Variants in SLC16A5 observed in about 807,000 individuals in gnomAD.
The protein encoded by SLC16A5 is monocarboxylate transporter 6.
In SLC16A5, 29 loss-of-function variants were observed where a neutral mutation model predicts 33.2. That is an observed-to-expected ratio of 0.87 (90% CI 0.65 to 1.19). The LOEUF is 1.19. Among genes scored for constraint, SLC16A5 ranks in the 50% most tolerant of loss-of-function variants. The pLI, the probability that SLC16A5 is intolerant of heterozygous loss-of-function variation, is 0.00. For synonymous variants in SLC16A5, 248 were observed against 284.1 expected (o/e 0.87, Z 1.28); for missense variants, 606 against 678.2 (o/e 0.89, Z 1.18).
chr17:75,109,859 G>GTA (rs770930230), downstream of SLC16A5: 52 of 198,398 alleles, frequency 2.6e-4, no homozygotes, highest in Non-Finnish European at 4.8e-4. This position sits in a 1 kb window ranked among gnomAD's most constrained non-coding sequence, Gnocchi z 5.0. Context: ...ACAGGCTAAA[G>GTA]AGCTTCGGCA....
chr17:75,100,453 A>T lies in SLC16A5; in HGVS notation c.790A>T (p.Met264Leu), dbSNP rs1315184670. Residue 264 changes from methionine to leucine, a missense_variant, in exon 5 of 7, where the codon ATG becomes TTG. Physicochemically the swap from Met to Leu is conservative, Grantham distance 15 (BLOSUM62 2). Transcript: ENST00000329783. ...LPQVFLVPYA[M>L]WHSVDEQQAA... ...ACAAGTCTTCCTGGTGCCATATGCC[A>T]TGTGGCACAGCGTGGACGAGCAGCA... 2.5e-6 allele frequency: 4 copies of T among 1,614,230 alleles called. No homozygotes were observed.
Position 75,093,620 on chromosome 17 carries a change from A to T in SLC16A5, c.-17A>T, listed in dbSNP as rs1369016775. ...GCCACATTGGCAGTGAGGCCGTGGC[A>T]GCGTCGGCAGCAGAGGATGCCCCAG... On this transcript the variant is annotated 5_prime_UTR_variant, in exon 3 of 7. Transcript: ENST00000329783. The T allele has an allele frequency of 3.1e-6, 5 of 1,601,746 alleles. No homozygotes were observed. The African/African-American group carries it at 6.7e-5, about 21-fold the overall frequency.
rs141450615 is a variant in SLC16A5, at chr17:75,093,656, G to A, written c.20G>A (p.Arg7His). Residue 7 changes from arginine (R) to histidine (H), a missense_variant, in exon 3 of 7, where the codon CGT (arginine) becomes CAT (histidine). Physicochemically the swap from Arg to His is conservative, Grantham distance 29. Transcript: ENST00000329783. Reference sequence around the variant, plus strand: ...CAGAGGATGCCCCAGGCCCTGGAGCGTGCAGATGGCAGCTGGGCCTGGGTG... The same window carrying A: ...CAGAGGATGCCCCAGGCCCTGGAGCATGCAGATGGCAGCTGGGCCTGGGTG... MPQALE[R>H]ADGSWAWVVL... The A allele has an allele frequency of 1.2e-5, 20 of 1,612,500 alleles. No homozygotes were observed. Among genetic ancestry groups the A allele is most frequent in the Middle Eastern group, 1.6e-4 (1 of 6,082 alleles).
At position 75,093,776 on chromosome 17, in the gene SLC16A5, C is replaced by A; in HGVS notation, c.140C>A (p.Ala47Asp). ...ACTGAATTGCAATGGGAGTTCCAGG[C>A]CAGCAACAGCGAGACCTCTTGGTTC... Reference protein sequence around the residue: ...FFTELQWEFQASNSETSWFPS... With the variant: ...FFTELQWEFQDSNSETSWFPS... Residue 47 changes from alanine to aspartate, a missense_variant, in exon 3 of 7, where the codon GCC (alanine) becomes GAC (aspartate). By Grantham distance (126) the Ala-to-Asp change is moderately radical. Coordinates refer to ENST00000329783, the MANE Select transcript of SLC16A5 (RefSeq NM_004695.4). The A allele has an allele frequency of 6.2e-7, 1 of 1,614,172 alleles. No individual in the cohort carries two copies. Among genetic ancestry groups the A allele is most frequent in the Non-Finnish European group, 8.5e-7 (1 of 1,180,014 alleles).
rs2073856268 is a variant in SLC16A5, at chr17:75,105,887, T to A, written c.1372T>A (p.Ser458Thr). Residue 458 changes from serine to threonine, a missense_variant, in exon 7 of 7, where the codon TCT becomes ACT. Transcript: ENST00000329783. ...TTTTATTTTCATGAACAGGTGCCAGTCTTCCCGCCAGCCACGTCCAGCTGG... is the reference window on the plus strand; with the variant it reads ...TTTTATTTTCATGAACAGGTGCCAGACTTCCCGCCAGCCACGTCCAGCTGG... The part of the protein sequence containing the change: ...KQRSPEIMCQ[S>T]SRQPRPAGVN... 1 of 1,601,226 alleles carries A rather than the reference T, an allele frequency of 6.2e-7. No individual in the cohort carries two copies. Among genetic ancestry groups the A allele is most frequent in the Admixed American group, 1.7e-5 (1 of 58,754 alleles).
intron 6 of SLC16A5, 168 bp downstream of exon 6, chr17:75,104,348 T>C: frequency 7.0e-7 from 1 of 1,435,528 alleles, no homozygotes; most frequent in Non-Finnish European, 9.1e-7. Flanking sequence ...GTCCAGGCTC[T>C]GCAAGCTGGG....
At chr17:75,091,424 G>A (rs1042305461) in intron 2 of SLC16A5, among the ~76,000 whole-genome samples, 3 of 152,192 alleles carry the variant, frequency 2.0e-5, no homozygotes, top group Non-Finnish European at 2.9e-5. Context: ...TCTAGCCAGA[G>A]GTCGCATGCA....
At chr17:75,091,644 T>A (rs2073638790) in intron 2 of SLC16A5, among the ~76,000 whole-genome samples, 1 of 152,012 alleles carries the variant, frequency 6.6e-6, no homozygotes, top group Non-Finnish European at 1.5e-5. Context: ...AGCAGTGGGG[T>A]GCTGGGCTTG....
downstream of SLC16A5, chr17:75,109,995 G>A: frequency 2.9e-6 from 1 of 350,386 alleles, no homozygotes; most frequent in East Asian, 5.5e-5. This position sits in a 1 kb window ranked among gnomAD's most constrained non-coding sequence, Gnocchi z 5.0. Flanking sequence ...GCCGGGGACG[G>A]TGCGCCAGTG....
At chr17:75,109,771 G>A (rs945819444), downstream of SLC16A5, among the ~76,000 whole-genome samples, 26 of 152,372 alleles carry the variant, frequency 1.7e-4, no homozygotes, top group African/African-American at 6.0e-4. This position sits in a 1 kb window ranked among gnomAD's most constrained non-coding sequence, Gnocchi z 5.0. Context: ...TGGGATACGG[G>A]AGGCCAGGCT....
chr17:75,106,381 A>G (rs1021920058), downstream of SLC16A5, among the ~76,000 whole-genome samples: 3 of 152,046 alleles, frequency 2.0e-5, no homozygotes, highest in South Asian at 2.1e-4. Flanking sequence ...GGGCTGGTAG[A>G]TAGGTGCTTT....
At position 75,104,648 on chromosome 17, in the gene SLC16A5, CTA is replaced by C; in HGVS notation, c.1364+470_1364+471del. The C allele has an allele frequency of 4.9e-6, 3 of 615,076 alleles. No homozygotes were observed. In the South Asian group the frequency reaches 2.2e-4, roughly 45 times the overall value. 38.1% of individuals were successfully genotyped at this position (615,076 alleles called of 1,614,324 possible). A position where few individuals can be genotyped will look rare whatever the true frequency, so the allele number is the denominator to read the frequency against. ...GTCTTTTAGTAGAGATGGGGTTTCT[CTA>C]TGTTGGTCAGGCTGGTCTCCAACTT... On this transcript the variant is annotated intron_variant, in intron 6 of 6. Transcript: ENST00000329783.
chr17:75,090,604 GCGAGCCCCACCACGCCCGGCTA>G (rs2073625320), intron 2 of SLC16A5, among the ~76,000 whole-genome samples: 1 of 151,860 alleles, frequency 6.6e-6, no homozygotes, highest in African/African-American at 2.4e-5. Context: ...GCGACTACAG[GCGAGCCCCACCACGCCCGGCTA>G]ATTATTGTAT....
chr17:75,087,981 C>T lies in SLC16A5; in HGVS notation c.-266C>T, dbSNP rs2073590080. ...TCCCGCGGTCCTCGTCGCGACCGGC[C>T]CGGGCCGCAGGACGCCGCGCTCGGG... is the stretch of plus-strand genomic sequence containing the variant. On this transcript the variant is annotated 5_prime_UTR_variant, in exon 1 of 7. Coordinates refer to ENST00000329783, the MANE Select transcript of SLC16A5 (RefSeq NM_004695.4). 1 of 152,208 alleles carries T rather than the reference C, an allele frequency of 6.6e-6. No individual in the cohort carries two copies. Among genetic ancestry groups the T allele is most frequent in the Non-Finnish European group, 1.5e-5 (1 of 68,080 alleles). 9.4% of individuals were successfully genotyped at this position (152,208 alleles called of 1,614,324 possible).
chr17:75,092,277 G>C (rs1196008381), intron 2 of SLC16A5, among the ~76,000 whole-genome samples: 4 of 151,848 alleles, frequency 2.6e-5, no homozygotes, highest in Non-Finnish European at 4.4e-5. Context: ...CTGTGTTCGT[G>C]TGAGTGTCTA....
chr17:75,099,153 A>T (rs1356835711), intron 4 of SLC16A5, among the ~76,000 whole-genome samples: 1 of 152,124 alleles, frequency 6.6e-6, no homozygotes, highest in Non-Finnish European at 1.5e-5. Context: ...GAGAGTGGAA[A>T]GTCTGGAGGA....
rs116126425 is a variant in SLC16A5, at chr17:75,100,681, G to A, written c.1018G>A (p.Val340Met). 401 of 1,614,210 alleles carry A rather than the reference G, an allele frequency of 2.5e-4. 1 individual carries two copies. In the East Asian group the frequency reaches 4.7e-3, roughly 19 times the overall value. Reference sequence around the variant, plus strand: ...CGTGGGCTACTGCCTGGCGTACAGCGTGTCCATGAGTGGCATCGGCGCCCT... The same window carrying A: ...CGTGGGCTACTGCCTGGCGTACAGCATGTCCATGAGTGGCATCGGCGCCCT... ...VLVGYCLAYS[V>M]SMSGIGALIF... The change falls in exon 5 of 7, where the codon GTG (valine) becomes ATG (methionine). Residue 340 changes from valine (V) to methionine (M), a missense_variant. Val to Met is a conservative substitution (Grantham distance 21). Transcript: ENST00000329783.
intron 2 of SLC16A5, chr17:75,093,228 A>G: frequency 1.6e-6 from 1 of 615,856 alleles, no homozygotes. Context: ...TGCATTCTAC[A>G]AGTAGTGACT....
At chr17:75,110,131 A>G (rs575608536), downstream of SLC16A5, 171 of 674,446 alleles carry the variant, frequency 2.5e-4, no homozygotes, top group East Asian at 4.5e-3. Flanking sequence ...TTCCAGCTGC[A>G]AATTACTGCA....
Sources: allele counts gnomAD v4.1 joint callset (sites outside exome capture counted in the v4.1 genomes callset), GRCh38; gene constraint gnomAD v4.1.1; non-coding constraint Gnocchi (gnomAD v3.1); transcripts MANE v1.5; gene names NCBI Gene and HGNC (gene_info 2026-07-23, HGNC 2026-07-21).